Variants in SUN2 observed in about 807,000 individuals in gnomAD.
SUN2 encodes the protein Sad1 and UNC84 domain containing 2, also known as SUN domain-containing protein 2.
SUN2 carries 60 observed loss-of-function variants against 100.0 expected under a neutral mutation model. The observed-to-expected ratio is 0.60, with a 90% CI of 0.49 to 0.74. The LOEUF (loss-of-function observed/expected upper bound fraction) is 0.74, where lower values mean the gene tolerates loss of function less well. SUN2 is among the 30% of genes least tolerant of loss of function. The pLI is 0.00. For synonymous variants in SUN2, 367 were observed against 403.3 expected, an observed-to-expected ratio of 0.91 and a Z score of 1.08; for missense variants, 834 against 954.6, an observed-to-expected ratio of 0.87 and a Z score of 1.66.
chr22:38,748,578 A>C, intron 7 of SUN2, 135 bp downstream of exon 7: 1 of 979,466 alleles, frequency 1.0e-6, no homozygotes, highest in South Asian at 1.4e-5. Flanking sequence ...GAGATGATCC[A>C]GGGTCCAGGG....
chr22:38,749,975 G>A, intron 5 of SUN2, 116 bp from the exon 6 acceptor site: 1 of 1,030,848 alleles, frequency 9.7e-7, no homozygotes, highest in Non-Finnish European at 1.4e-6. Context: ...GTATGCCTCT[G>A]TCCTGCCCTA....
Position 38,738,707 on chromosome 22 carries a change from G to A in SUN2, c.1827C>T (p.Gly609=). Residue 609 remains glycine, a synonymous_variant, in exon 16 of 18, where the codon GGC becomes GGT. Coordinates refer to ENST00000689035, the MANE Select transcript of SUN2 (RefSeq NM_015374.3). The surrounding 1 kb of genome is among the most constrained non-coding windows in gnomAD (Gnocchi z 6.6). The part of the protein sequence containing the change: ...GNCWAFQGPQ[G]FAVVRLSARI... ...GGGCAGAGAGGCGGACCACGGCGAA[G>A]CCTTGTGGCCCCTGGAAGGCCCAGC... The A allele has an allele frequency of 6.2e-7, 1 of 1,613,722 alleles. No homozygotes were observed. The highest frequency in any genetic ancestry group is 8.5e-7 in the Non-Finnish European group (1 of 1,180,006).
At chr22:38,752,445 G>A (rs953383948) in intron 2 of SUN2, 62 bp downstream of exon 2, 5 of 1,548,376 alleles carry the variant, frequency 3.2e-6, no homozygotes, top group South Asian at 1.2e-5. Context: ...CACAGGGCGT[G>A]CGGGCAGTGA....
At position 38,736,724 on chromosome 22, in the gene SUN2, G is replaced by A. The variant is rs558913383; in HGVS notation, c.2041-344C>T. On this transcript the variant is annotated intron_variant, in intron 17 of 17. Transcript: ENST00000689035. ...TGATTCTTTTTCTCCAGTGCCCATCGGGCCTCTGTCTAGCCACAGTGTTGG... is the reference window on the plus strand; with the variant it reads ...TGATTCTTTTTCTCCAGTGCCCATCAGGCCTCTGTCTAGCCACAGTGTTGG... The A allele has an allele frequency of 8.7e-5, 17 of 194,888 alleles. No individual in the cohort carries two copies. In the East Asian group the frequency reaches 1.3e-3, roughly 15 times the overall value. 12.1% of individuals were successfully genotyped at this position (194,888 alleles called of 1,614,324 possible). A position where few individuals can be genotyped will look rare whatever the true frequency, so the allele number is the denominator to read the frequency against.
chr22:38,742,242 C>T (rs1431192012), intron 9 of SUN2, 59 bp downstream of exon 9: 2 of 1,527,378 alleles, frequency 1.3e-6, no homozygotes, highest in African/African-American at 1.4e-5. Flanking sequence ...CTGCTGGGCA[C>T]CTTCACGCTT....
In SUN2 at chr22:38,755,335, C is replaced by CTT. The variant is rs1556016219; in HGVS notation, c.-38+426_-38+427dup. The CTT allele has an allele frequency of 9.1e-7, 1 of 1,095,526 alleles. No homozygotes were observed. The highest frequency in any genetic ancestry group is 1.1e-6 in the Non-Finnish European group (1 of 893,964). The allele number at this position is 1,095,526 out of a possible 1,614,324, so 67.9% of individuals were successfully genotyped here. ...CTAAGTCACACCGCGCCCCCCATTG[C>CTT]TTTGTTTTGTTTTGTTTTAGAACTG... On this transcript the variant is annotated intron_variant, in intron 1 of 17. Coordinates refer to ENST00000689035, the MANE Select transcript of SUN2 (RefSeq NM_015374.3). This position sits in a 1 kb window ranked among gnomAD's most constrained non-coding sequence, Gnocchi z 5.7.
chr22:38,740,516 T>G lies in SUN2; in HGVS notation c.1191-84A>C. On this transcript the variant is annotated intron_variant, in intron 11 of 17. Coordinates refer to ENST00000689035, the MANE Select transcript of SUN2 (RefSeq NM_015374.3). This position sits in a 1 kb window ranked among gnomAD's most constrained non-coding sequence, Gnocchi z 4.8. ...CCAAAGATGAAAGAGGACCCCCTAG[T>G]GGGCTCCCGTCAGGAGAGCGGGTGC... 1 of 1,374,094 alleles carries G rather than the reference T, an allele frequency of 7.3e-7. No homozygotes were observed. 85.1% of individuals were successfully genotyped at this position (1,374,094 alleles called of 1,614,324 possible).
intron 2 of SUN2, 70 bp downstream of exon 2, chr22:38,752,437 C>T: frequency 1.3e-6 from 2 of 1,536,514 alleles, no homozygotes; most frequent in Non-Finnish European, 1.8e-6. Flanking sequence ...GGCTGGACCA[C>T]AGGGCGTGCG....
intron 7 of SUN2, among the ~76,000 whole-genome samples, chr22:38,746,306 AC>A (rs1342480949): frequency 6.6e-6 from 1 of 152,098 alleles, no homozygotes; most frequent in East Asian, 1.9e-4. Flanking sequence ...AACAGAAAGC[AC>A]CACCCCCTCT....
Position 38,750,920 on chromosome 22 carries a change from G to A in SUN2, c.402C>T (p.Tyr134=), listed in dbSNP as rs1569305087. ...TEDFLGSSSG[Y]SSEDDYVGYS... ...TACCCACGTAGTCGTCCTCAGAGGA[G>A]TAGCCCGAGGAAGAGCCCAGGAAGT... Residue 134 remains tyrosine, a synonymous_variant, in exon 4 of 18, where the codon TAC becomes TAT. Coordinates refer to ENST00000689035, the MANE Select transcript of SUN2 (RefSeq NM_015374.3). 6 of 1,614,072 alleles carry A rather than the reference G, an allele frequency of 3.7e-6. No individual in the cohort carries two copies. Among genetic ancestry groups the A allele is most frequent in the Non-Finnish European group, 5.1e-6 (6 of 1,180,022 alleles).
chr22:38,752,748 C>A, intron 1 of SUN2, 83 bp from the exon 2 acceptor site: 1 of 1,445,408 alleles, frequency 6.9e-7, no homozygotes, highest in Non-Finnish European at 9.3e-7. Flanking sequence ...ACAGAGGCAT[C>A]GCCTCACAGC....
At chr22:38,754,015 A>C (rs897015436) in intron 1 of SUN2, among the ~76,000 whole-genome samples, 2 of 152,218 alleles carry the variant, frequency 1.3e-5, no homozygotes, top group African/African-American at 2.4e-5. Context: ...CAAACTAACA[A>C]AATAGGGAGG....
Position 38,736,098 on chromosome 22 carries a change from G to A in SUN2, c.*169C>T, listed in dbSNP as rs765469369. The A allele has an allele frequency of 4.2e-5, 30 of 706,878 alleles. No homozygotes were observed. Among genetic ancestry groups the A allele is most frequent in the Middle Eastern group, 2.3e-4 (1 of 4,284 alleles). The allele number at this position is 706,878 out of a possible 1,614,324, so 43.8% of individuals were successfully genotyped here. A position where few individuals can be genotyped will look rare whatever the true frequency, so the allele number is the denominator to read the frequency against. On this transcript the variant is annotated 3_prime_UTR_variant, in exon 18 of 18. Transcript: ENST00000689035. The stretch of plus-strand genomic sequence containing the variant: ...GCTGCTGGAGCCTGCTAACCGCCTC[G>A]AGCCACCTGCTGCTCAGGAGACCCT...
At chr22:38,754,690 G>T in intron 1 of SUN2, 1 of 1,285,488 alleles carries the variant, frequency 7.8e-7, no homozygotes, top group South Asian at 1.2e-5. Context: ...CCTCTGTCCT[G>T]CTGAAGGAGG....
chr22:38,742,700 G>T, intron 8 of SUN2, 145 bp from the exon 9 acceptor site: 1 of 1,110,538 alleles, frequency 9.0e-7, no homozygotes. Flanking sequence ...GCCGGCTGGA[G>T]CTCGTGGGCA....
At chr22:38,752,372 G>T in intron 2 of SUN2, 135 bp downstream of exon 2, 2 of 1,104,702 alleles carry the variant, frequency 1.8e-6, no homozygotes, top group Non-Finnish European at 2.6e-6. Flanking sequence ...TCGACCGGAC[G>T]GGGGCCCACG....
chr22:38,741,838 G>T (rs2092860581), intron 9 of SUN2, among the ~76,000 whole-genome samples: 1 of 152,210 alleles, frequency 6.6e-6, no homozygotes, highest in Non-Finnish European at 1.5e-5. Flanking sequence ...GCAGGAAACT[G>T]AGGCTTAGAG....
chr22:38,740,603 C>T lies in SUN2; in HGVS notation c.1191-171G>A. The T allele has an allele frequency of 4.5e-6, 3 of 665,546 alleles. No homozygotes were observed. Among genetic ancestry groups the T allele is most frequent in the Non-Finnish European group, 7.3e-6 (3 of 412,946 alleles). 41.2% of individuals were successfully genotyped at this position (665,546 alleles called of 1,614,324 possible). Reference sequence around the variant, plus strand: ...TCTCCTGGGGGTTCTGGCTGCAGAACCCCTGCCTGTCCCAAGGAGCTAATT... The same window carrying T: ...TCTCCTGGGGGTTCTGGCTGCAGAATCCCTGCCTGTCCCAAGGAGCTAATT... On this transcript the variant is annotated intron_variant, in intron 11 of 17. Transcript: ENST00000689035. The surrounding 1 kb of genome is among the most constrained non-coding windows in gnomAD (Gnocchi z 4.8).
rs2092820136 is a variant in SUN2 at position 38,737,883 on chromosome 22, C to G, written c.2040+290G>C. 1 of 620,500 alleles carries G rather than the reference C, an allele frequency of 1.6e-6. No homozygotes were observed. The highest frequency in any genetic ancestry group is 1.5e-5 in the South Asian group (1 of 65,892). 38.4% of individuals were successfully genotyped at this position (620,500 alleles called of 1,614,324 possible). On this transcript the variant is annotated intron_variant, in intron 17 of 17. Coordinates refer to ENST00000689035, the MANE Select transcript of SUN2 (RefSeq NM_015374.3). The surrounding 1 kb of genome is among the most constrained non-coding windows in gnomAD (Gnocchi z 4.1). ...TGGCGGCGGCTCCTCGAACGCCTCT[C>G]CCGGCCTTCCTTTCCTGGCCACCCA...
Sources: gnomAD v4.1 joint callset for allele counts (sites outside exome capture counted in the v4.1 genomes callset) on GRCh38, gnomAD v4.1.1 for gene constraint, Gnocchi (gnomAD v3.1) non-coding constraint, MANE v1.5 for transcripts, NCBI Gene and HGNC (gene_info 2026-07-23, HGNC 2026-07-21) for gene names.